EPS8: variants seen among roughly 807,000 people sequenced by gnomAD.
The protein encoded by EPS8 is epidermal growth factor receptor kinase substrate 8.
In EPS8, 42 loss-of-function variants were observed where a neutral mutation model predicts 103.8. The ratio of observed to expected loss-of-function variants is 0.40; its 90% CI spans 0.32 to 0.52. The LOEUF (loss-of-function observed/expected upper bound fraction) is 0.52, where lower values mean the gene tolerates loss of function less well. Ranked by LOEUF, EPS8 falls within the 20% of genes least tolerant of loss-of-function variation. The probability of loss-of-function intolerance (pLI) is 0.40; values close to 1 mark genes in which losing one functional copy is unlikely to be tolerated. For synonymous variants in EPS8, 344 were observed against 344.6 expected (o/e 1.00, Z 0.02); for missense variants, 969 against 1,005.1 (o/e 0.96, Z 0.49).
In EPS8 at chr12:15,664,479, C is replaced by T. The variant is rs531887832; in HGVS notation, c.736+1277G>A. On this transcript the variant is annotated intron_variant, in intron 8 of 20. Transcript: ENST00000281172. ...GCTTACTATTTTGTAGTAGGTACTA[C>T]CATAAACATTATTTACTTTCAGATT... 9.2e-5 allele frequency among the ~76,000 whole-genome samples: 14 copies of T among 152,212 alleles called. No individual in the cohort carries two copies. In the South Asian group the frequency reaches 2.9e-3, roughly 32 times the overall value.
At position 15,640,795 on chromosome 12, in the gene EPS8, A is replaced by G. The variant is rs1945215308; in HGVS notation, c.1729T>C (p.Ser577Pro). 4 of 1,613,968 alleles carry G rather than the reference A, an allele frequency of 2.5e-6. No individual in the cohort carries two copies. The highest frequency in any genetic ancestry group is 1.3e-5 in the African/African-American group (1 of 75,048). Residue 577 changes from serine (S) to proline (P), a missense_variant, in exon 17 of 21, where the codon TCT (serine) becomes CCT (proline). Transcript: ENST00000281172. ...WWKVRNASGDSGFVPNNILDI... is the reference protein window; with the variant it reads ...WWKVRNASGDPGFVPNNILDI... ...AAAATGTTATTTGGCACAAATCCAG[A>G]GTCTCCACTTGCATTTCGAACTTTC...
chr12:15,648,164 G>A (rs191448519), intron 14 of EPS8, among the ~76,000 whole-genome samples: 220 of 152,288 alleles, frequency 1.4e-3, no homozygotes, highest in African/African-American at 5.1e-3. Flanking sequence ...ACTGGTCCAC[G>A]ACCCAGGAAC....
In EPS8 at chr12:15,735,967, C is replaced by A. The variant is rs1946763366; in HGVS notation, c.-21-52995G>T. Among the ~76,000 whole-genome samples the A allele has an allele frequency of 1.3e-5, 2 of 152,146 alleles. No homozygotes were observed. Among genetic ancestry groups the A allele is most frequent in the Admixed American group, 6.5e-5 (1 of 15,274 alleles). ...GTGTCATTATCATAGCTCACTGCAG[C>A]CTCAACCTCCTGGGCTCAAGCAATC... On this transcript the variant is annotated intron_variant, in intron 1 of 20. Coordinates refer to ENST00000281172, the MANE Select transcript of EPS8 (RefSeq NM_004447.6). This position sits in a 1 kb window ranked among gnomAD's most constrained non-coding sequence, Gnocchi z 4.4.
At chr12:15,720,325 CTCT>C (rs1349859820) in intron 1 of EPS8, among the ~76,000 whole-genome samples, 1 of 152,062 alleles carries the variant, frequency 6.6e-6, no homozygotes, top group African/African-American at 2.4e-5. Flanking sequence ...AAATTGTAAC[CTCT>C]TTTTTTAAGA....
At chr12:15,774,113 T>G (rs1417483671) in intron 1 of EPS8, among the ~76,000 whole-genome samples, 1 of 151,906 alleles carries the variant, frequency 6.6e-6, no homozygotes, top group Non-Finnish European at 1.5e-5. Context: ...TTGAAAAAAA[T>G]TCTTCAAAAA....
Position 15,660,602 on chromosome 12 carries a change from A to C in EPS8, c.937+12T>G. On this transcript the variant is annotated intron_variant, in intron 10 of 20. Coordinates refer to ENST00000281172, the MANE Select transcript of EPS8 (RefSeq NM_004447.6). ...TAACCAGGCATTAGAAGATTAAGAA[A>C]ATCCAACTTACCTCCTGGTCCTTTC... 1.5e-6 allele frequency: 2 copies of C among 1,301,604 alleles called. No individual in the cohort carries two copies. The highest frequency in any genetic ancestry group is 2.2e-6 in the Non-Finnish European group (2 of 895,224). The allele number at this position is 1,301,604 out of a possible 1,614,324, so 80.6% of individuals were successfully genotyped here.
chr12:15,732,605 T>C (rs943694337), intron 1 of EPS8: 1 of 214,368 alleles, frequency 4.7e-6, no homozygotes, highest in African/African-American at 2.3e-5. Flanking sequence ...AAGCAACTGG[T>C]AAATGTTCCT....
intron 8 of EPS8, among the ~76,000 whole-genome samples, chr12:15,663,960 T>A (rs1240199557): frequency 7.6e-5 from 4 of 52,352 alleles, no homozygotes; most frequent in African/African-American, 1.8e-4. Flanking sequence ...TATATATATA[T>A]ATATATATAT....
At chr12:15,654,400 C>T (rs1945471940) in intron 12 of EPS8, 107 bp from the exon 13 acceptor site, 14 of 980,156 alleles carry the variant, frequency 1.4e-5, no homozygotes, top group Non-Finnish European at 2.0e-5. Flanking sequence ...TTTTAATAGT[C>T]ATATTAACTT....
In EPS8 at chr12:15,779,453, T is replaced by G. The variant is rs1168479711; in HGVS notation, c.-22+9708A>C. The stretch of plus-strand genomic sequence containing the variant: ...AATTATTGCAGAAAATTAGATAAAC[T>G]GTAATCAATGTCTTCTCAAAAGAGA... On this transcript the variant is annotated intron_variant, in intron 1 of 20. Coordinates refer to ENST00000281172, the MANE Select transcript of EPS8 (RefSeq NM_004447.6). The surrounding 1 kb of genome is among the most constrained non-coding windows in gnomAD (Gnocchi z 4.3). Among the ~76,000 whole-genome samples the G allele has an allele frequency of 6.6e-6, 1 of 152,250 alleles. No individual in the cohort carries two copies. Among genetic ancestry groups the G allele is most frequent in the African/African-American group, 2.4e-5 (1 of 41,466 alleles).
rs188557320 is a variant in EPS8 at position 15,707,474 on chromosome 12, T to C, written c.-21-24502A>G. ...CCAACTGAACAACTACTCTCCTTAC[T>C]ATTTATTAAGCTTTCAGTATAACAA... On this transcript the variant is annotated intron_variant, in intron 1 of 20. Coordinates refer to ENST00000281172, the MANE Select transcript of EPS8 (RefSeq NM_004447.6). Among the ~76,000 whole-genome samples the C allele has an allele frequency of 9.7e-4, 148 of 152,114 alleles. 1 individual carries two copies. The highest frequency in any genetic ancestry group is 5.0e-4 in the Non-Finnish European group (34 of 67,986).
At position 15,714,817 on chromosome 12, in the gene EPS8, T is replaced by A. The variant is rs1365284964; in HGVS notation, c.-21-31845A>T. Among the ~76,000 whole-genome samples the A allele has an allele frequency of 6.6e-6, 1 of 152,256 alleles. No individual in the cohort carries two copies. Among genetic ancestry groups the A allele is most frequent in the African/African-American group, 2.4e-5 (1 of 41,470 alleles). On this transcript the variant is annotated intron_variant, in intron 1 of 20. Coordinates refer to ENST00000281172, the MANE Select transcript of EPS8 (RefSeq NM_004447.6). The surrounding 1 kb of genome is among the most constrained non-coding windows in gnomAD (Gnocchi z 4.1). The stretch of plus-strand genomic sequence containing the variant: ...AAAGCATCACTATAAATAGAATTTT[T>A]AAAATGTATTTAGAAAAGCAATAGT...
chr12:15,665,418 G>A (rs923260896), intron 8 of EPS8: 10 of 228,166 alleles, frequency 4.4e-5, no homozygotes, highest in Non-Finnish European at 8.5e-5. Flanking sequence ...TGCAACCTCC[G>A]CCTCCCGGTT....
intron 8 of EPS8, 125 bp downstream of exon 8, chr12:15,665,631 A>G: frequency 8.4e-7 from 1 of 1,193,018 alleles, no homozygotes; most frequent in Non-Finnish European, 1.2e-6. Flanking sequence ...GCGCCCGGCC[A>G]GAGTTGATTT....
intron 1 of EPS8, among the ~76,000 whole-genome samples, chr12:15,707,890 T>C (rs1041835191): frequency 1.2e-4 from 18 of 152,208 alleles, no homozygotes; most frequent in African/African-American, 4.3e-4. Flanking sequence ...CTTTTTGTAG[T>C]TCAGTTCACC....
intron 20 of EPS8, 42 bp from the exon 21 acceptor site, chr12:15,621,472 G>T: frequency 1.9e-6 from 2 of 1,075,410 alleles, no homozygotes; most frequent in Non-Finnish European, 2.8e-6. Context: ...ACTGACTTGT[G>T]CAGGCTGCAG....
chr12:15,770,234 A>C (rs1484354266), intron 1 of EPS8, among the ~76,000 whole-genome samples: 1 of 140,234 alleles, frequency 7.1e-6, no homozygotes, highest in Non-Finnish European at 1.5e-5. Flanking sequence ...GGCTGCAGTG[A>C]GCTATGATCA....
At chr12:15,742,706 C>T (rs1479299584) in intron 1 of EPS8, among the ~76,000 whole-genome samples, 1 of 152,302 alleles carries the variant, frequency 6.6e-6, no homozygotes, top group Admixed American at 6.5e-5. Flanking sequence ...TGACAAAATT[C>T]AACAGCCCTT....
In EPS8 at chr12:15,734,748, G is replaced by C. The variant is rs146190697; in HGVS notation, c.-21-51776C>G. On this transcript the variant is annotated intron_variant, in intron 1 of 20. Transcript: ENST00000281172. The surrounding 1 kb of genome is among the most constrained non-coding windows in gnomAD (Gnocchi z 4.1). ...CAAACAAACAAAAAAAAACAAAAAAGATTCTCTGCACGTAACTTTGTTAAT... is the reference window on the plus strand; with the variant it reads ...CAAACAAACAAAAAAAAACAAAAAACATTCTCTGCACGTAACTTTGTTAAT... Among the ~76,000 whole-genome samples, 892 of 152,102 alleles carry C rather than the reference G, an allele frequency of 5.9e-3. 4 individuals carry two copies. The highest frequency in any genetic ancestry group is 0.013 in the Admixed American group (195 of 15,270).
Sources: gnomAD v4.1 joint callset for allele counts (sites outside exome capture counted in the v4.1 genomes callset) on GRCh38, gnomAD v4.1.1 for gene constraint, Gnocchi (gnomAD v3.1) non-coding constraint, MANE v1.5 for transcripts, NCBI Gene and HGNC (gene_info 2026-07-23, HGNC 2026-07-21) for gene names.